Variants in MMP26 observed in about 807,000 individuals in gnomAD.
MMP26 encodes the protein matrix metallopeptidase 26, also known as matrix metalloproteinase-26.
A neutral mutation model predicts 31.0 loss-of-function variants in MMP26; 33 were observed. The ratio of observed to expected loss-of-function variants is 1.06; its 90% CI spans 0.81 to 1.42. MMP26 has a LOEUF of 1.42. Among genes scored for constraint, MMP26 ranks in the 40% most tolerant of loss-of-function variants. MMP26 has a pLI of 0.00. For missense variants in MMP26, 347 were observed against 316.1 expected (o/e 1.10, Z -0.74); for synonymous variants, 122 against 114.9 (o/e 1.06, Z -0.40).
intron 2 of MMP26, among the ~76,000 whole-genome samples, chr11:4,826,112 G>A (rs1445465463): frequency 2.0e-5 from 3 of 152,012 alleles, no homozygotes; most frequent in Non-Finnish European, 4.4e-5. Flanking sequence ...CTCACAAAAG[G>A]GCCTTATCAG....
chr11:4,729,612 A>C (rs1848146377), intron 1 of MMP26, among the ~76,000 whole-genome samples: 1 of 152,150 alleles, frequency 6.6e-6, no homozygotes, highest in African/African-American at 2.4e-5. Context: ...AGCAGAGTAA[A>C]ATAGGGGAAA....
intron 2 of MMP26, chr11:4,945,956 C>T: frequency 1.7e-6 from 1 of 581,336 alleles, no homozygotes; most frequent in East Asian, 2.9e-5. Context: ...TATTTTTATT[C>T]TGCTTAACTG....
At chr11:4,848,766 A>G in intron 2 of MMP26, 1 of 1,613,956 alleles carries the variant, frequency 6.2e-7, no homozygotes. Context: ...TTTGCTAATT[A>G]CACCATTGGT....
intron 2 of MMP26, among the ~76,000 whole-genome samples, chr11:4,864,243 G>T (rs1220322580): frequency 6.6e-6 from 1 of 152,098 alleles, no homozygotes; most frequent in Non-Finnish European, 1.5e-5. Context: ...ATAATTTCTT[G>T]CATTTGATTT....
chr11:4,908,145 C>T, intron 2 of MMP26: 3 of 1,614,164 alleles, frequency 1.9e-6, no homozygotes, highest in South Asian at 1.1e-5. Flanking sequence ...ACCCTGGCTG[C>T]CATGCATCAC....
intron 1 of MMP26, among the ~76,000 whole-genome samples, chr11:4,754,467 ATACT>A (rs1848483084): frequency 6.6e-6 from 1 of 152,004 alleles, no homozygotes; most frequent in Admixed American, 6.6e-5. Context: ...CAAATAGTAA[ATACT>A]TAAGATAATA....
At chr11:4,811,986 T>C (rs35223387) in intron 2 of MMP26, among the ~76,000 whole-genome samples, 16,827 of 152,206 alleles carry the variant, frequency 0.11, 1,044 homozygotes, top group Middle Eastern at 0.18. Flanking sequence ...GGCTCACAGC[T>C]GTTTGTCGAA....
intron 2 of MMP26, among the ~76,000 whole-genome samples, chr11:4,896,996 G>A (rs184415744): frequency 2.5e-3 from 377 of 151,818 alleles, no homozygotes; most frequent in African/African-American, 7.8e-3. Flanking sequence ...GTCCATTTTT[G>A]CTAGTAATAG....
intron 2 of MMP26, among the ~76,000 whole-genome samples, chr11:4,901,081 T>C (rs1377974912): frequency 6.6e-6 from 1 of 150,438 alleles, no homozygotes; most frequent in Non-Finnish European, 1.5e-5. Context: ...AGTGTAAGCT[T>C]AGGGAAAGTG....
At chr11:4,745,923 T>G (rs1342652813) in intron 1 of MMP26, among the ~76,000 whole-genome samples, 1 of 152,350 alleles carries the variant, frequency 6.6e-6, no homozygotes, top group East Asian at 1.9e-4. Context: ...TAATGTCTTT[T>G]CATGGCTTGA....
At chr11:4,859,302 A>G (rs978944312) in intron 2 of MMP26, among the ~76,000 whole-genome samples, 1 of 152,218 alleles carries the variant, frequency 6.6e-6, no homozygotes, top group South Asian at 2.1e-4. Flanking sequence ...TTATGAATAA[A>G]CATACATTAG....
intron 1 of MMP26, among the ~76,000 whole-genome samples, chr11:4,729,736 T>C (rs997549553): frequency 2.0e-5 from 3 of 152,062 alleles, no homozygotes; most frequent in African/African-American, 4.8e-5. Flanking sequence ...AGCATATATA[T>C]ATATATAACA....
At chr11:4,720,546 A>C (rs1847996519) in intron 1 of MMP26, among the ~76,000 whole-genome samples, 1 of 152,218 alleles carries the variant, frequency 6.6e-6, no homozygotes, top group Non-Finnish European at 1.5e-5. Context: ...AGAGGACTGA[A>C]AGGGAAAAAA....
chr11:4,915,612 G>A, intron 2 of MMP26: 1 of 1,614,064 alleles, frequency 6.2e-7, no homozygotes, highest in Non-Finnish European at 8.5e-7. Flanking sequence ...CCACTCAGCA[G>A]GAAGGTAGCA....
intron 1 of MMP26, among the ~76,000 whole-genome samples, chr11:4,725,001 T>C (rs563090936): frequency 1.3e-3 from 198 of 152,352 alleles, no homozygotes; most frequent in African/African-American, 4.6e-3. Context: ...CAGTTTCTCA[T>C]GGCTTAACAC....
chr11:4,837,190 A>G (rs953061988), intron 2 of MMP26, among the ~76,000 whole-genome samples: 13 of 152,088 alleles, frequency 8.5e-5, no homozygotes, highest in African/African-American at 2.9e-4. Context: ...AAAAACTGCA[A>G]TTATGTTTGC....
intron 2 of MMP26, among the ~76,000 whole-genome samples, chr11:4,918,935 G>T (rs1370654345): frequency 2.0e-5 from 3 of 152,246 alleles, no homozygotes; most frequent in Admixed American, 2.0e-4. Context: ...GAGACTAGGG[G>T]TAGATGTTGA....
chr11:4,895,984 G>T (rs763664810), intron 2 of MMP26, among the ~76,000 whole-genome samples: 4 of 152,156 alleles, frequency 2.6e-5, no homozygotes, highest in Non-Finnish European at 5.9e-5. Context: ...TTTAGTGAAA[G>T]TCTCCTCTTG....
At chr11:4,917,816 T>A (rs1275021656) in intron 2 of MMP26, among the ~76,000 whole-genome samples, 2 of 152,130 alleles carry the variant, frequency 1.3e-5, no homozygotes, top group Non-Finnish European at 2.9e-5. Flanking sequence ...CATTGCACTA[T>A]GAAATTCATT....
Sources: gnomAD v4.1 joint callset for allele counts (sites outside exome capture counted in the v4.1 genomes callset) on GRCh38, gnomAD v4.1.1 for gene constraint, MANE v1.5 for transcripts, NCBI Gene and HGNC (gene_info 2026-07-23, HGNC 2026-07-21) for gene names.